NLGN1: variants seen among roughly 807,000 people sequenced by gnomAD.
The protein encoded by NLGN1 is neuroligin 1, also known as neuroligin-1.
Under a neutral mutation model 65.5 loss-of-function variants are expected in NLGN1, and 12 were observed. That is an observed-to-expected ratio of 0.18 (90% CI 0.12 to 0.30). The LOEUF (loss-of-function observed/expected upper bound fraction) is 0.30, where lower values mean the gene tolerates loss of function less well. Ranked by LOEUF, NLGN1 falls within the 10% of genes least tolerant of loss-of-function variation. The pLI, the probability that NLGN1 is intolerant of heterozygous loss-of-function variation, is 1.00. For missense variants in NLGN1, 750 were observed against 1,007.1 expected (o/e 0.74, Z 3.46); for synonymous variants, 350 against 359.5 (o/e 0.97, Z 0.30).
intron 3 of NLGN1, among the ~76,000 whole-genome samples, chr3:173,634,944 C>T (rs1756344840): frequency 6.6e-6 from 1 of 152,140 alleles, no homozygotes; most frequent in South Asian, 2.1e-4. Flanking sequence ...GGGAGAGCGC[C>T]CTTCTCCACA....
At chr3:173,898,027 A>G (rs192155248) in intron 4 of NLGN1, among the ~76,000 whole-genome samples, 35 of 151,646 alleles carry the variant, frequency 2.3e-4, no homozygotes, top group Admixed American at 5.2e-4. Context: ...TCATGATTCA[A>G]TAGCAAAAAA....
chr3:173,436,826 C>T (rs1718227464), intron 2 of NLGN1, among the ~76,000 whole-genome samples: 1 of 152,208 alleles, frequency 6.6e-6, no homozygotes, highest in Non-Finnish European at 1.5e-5. Context: ...GCAGTTACTA[C>T]ATCTTTTTAT....
intron 4 of NLGN1, among the ~76,000 whole-genome samples, chr3:173,855,684 A>G (rs898422999): frequency 1.3e-5 from 2 of 152,166 alleles, no homozygotes; most frequent in African/African-American, 2.4e-5. Flanking sequence ...CCAAACGTCT[A>G]TTATTCAACA....
intron 2 of NLGN1, among the ~76,000 whole-genome samples, chr3:173,462,509 C>T (rs62291289): frequency 0.016 from 2,501 of 152,158 alleles, 33 homozygotes; most frequent in Non-Finnish European, 0.025. Flanking sequence ...TCTCTTTTTG[C>T]GTGCATTTCC....
At chr3:173,898,269 G>T (rs1245302619) in intron 4 of NLGN1, among the ~76,000 whole-genome samples, 1 of 152,160 alleles carries the variant, frequency 6.6e-6, no homozygotes, top group Non-Finnish European at 1.5e-5. Context: ...TTTACAGAAA[G>T]TAAACATAGG....
At chr3:173,687,276 G>T (rs1379447865) in intron 3 of NLGN1, among the ~76,000 whole-genome samples, 1 of 152,186 alleles carries the variant, frequency 6.6e-6, no homozygotes, top group African/African-American at 2.4e-5. Context: ...TTACTAAAAT[G>T]AAGCTAATGG....
At chr3:173,905,795 C>G (rs1738260110) in intron 4 of NLGN1, among the ~76,000 whole-genome samples, 1 of 152,176 alleles carries the variant, frequency 6.6e-6, no homozygotes, top group South Asian at 2.1e-4. Flanking sequence ...AGCAAAATGT[C>G]TGTCACTGAA....
chr3:173,534,101 A>G (rs1465367177), intron 2 of NLGN1, among the ~76,000 whole-genome samples: 1 of 152,224 alleles, frequency 6.6e-6, no homozygotes, highest in Non-Finnish European at 1.5e-5. Context: ...ATTCCTGATC[A>G]GGAAAATGGG....
At chr3:173,694,137 T>C (rs75776855) in intron 3 of NLGN1, among the ~76,000 whole-genome samples, 4,319 of 152,236 alleles carry the variant, frequency 0.028, 88 homozygotes, top group Middle Eastern at 0.048. Context: ...GTATGATTTA[T>C]ATTGCTTGTT....
intron 3 of NLGN1, among the ~76,000 whole-genome samples, chr3:173,787,363 CAA>C (rs1782154170): frequency 6.6e-6 from 1 of 152,084 alleles, no homozygotes; most frequent in East Asian, 1.9e-4. Flanking sequence ...AAATATTTCA[CAA>C]AATCAAATGT....
At chr3:174,188,394 C>A (rs1242476300) in intron 4 of NLGN1, among the ~76,000 whole-genome samples, 1 of 151,946 alleles carries the variant, frequency 6.6e-6, no homozygotes, top group East Asian at 1.9e-4. Context: ...CCAGGAGCTT[C>A]CATTCACTGC....
chr3:173,722,740 A>G (rs1487458473), intron 3 of NLGN1, among the ~76,000 whole-genome samples: 1 of 152,156 alleles, frequency 6.6e-6, no homozygotes, highest in East Asian at 1.9e-4. Flanking sequence ...TTTAATGGCA[A>G]TGATAATATT....
At chr3:174,210,925 T>A (rs1736336175) in intron 4 of NLGN1, among the ~76,000 whole-genome samples, 1 of 152,162 alleles carries the variant, frequency 6.6e-6, no homozygotes, top group Non-Finnish European at 1.5e-5. Flanking sequence ...TGCTAGTGTG[T>A]CCGGAATTGG....
rs561079102 is a variant in NLGN1, at chr3:173,531,720, T to C, written c.-320-72559T>C. ...AACCAATTATTTAAACATGTAATTC[T>C]CAACAGATCAAAGATTTCACCTTTG... is the stretch of plus-strand genomic sequence containing the variant. On this transcript the variant is annotated intron_variant, in intron 2 of 6. Transcript: ENST00000457714. 1.3e-5 allele frequency among the ~76,000 whole-genome samples: 2 copies of C among 152,268 alleles called. 1 individual carries two copies. Among genetic ancestry groups the C allele is most frequent in the East Asian group, 3.9e-4 (2 of 5,180 alleles).
At chr3:173,487,036 TAGA>T (rs1728283252) in intron 2 of NLGN1, among the ~76,000 whole-genome samples, 1 of 151,612 alleles carries the variant, frequency 6.6e-6, no homozygotes, top group Admixed American at 6.6e-5. Context: ...TCTGTTCAAA[TAGA>T]AGAAGCTTCT....
chr3:174,222,591 G>C (rs1335529959), intron 4 of NLGN1, among the ~76,000 whole-genome samples: 1 of 152,062 alleles, frequency 6.6e-6, no homozygotes, highest in Non-Finnish European at 1.5e-5. Context: ...AGATTCCTAG[G>C]TTAGGTTTGG....
At chr3:174,098,454 A>G (rs1711599436) in intron 4 of NLGN1, among the ~76,000 whole-genome samples, 1 of 152,196 alleles carries the variant, frequency 6.6e-6, no homozygotes, top group Admixed American at 6.6e-5. Context: ...AAGGAGGGTC[A>G]GTGGGAAACA....
chr3:174,222,949 A>T (rs1279017698), intron 4 of NLGN1, among the ~76,000 whole-genome samples: 3 of 152,252 alleles, frequency 2.0e-5, no homozygotes, highest in Admixed American at 2.0e-4. Context: ...TTACATTTTA[A>T]AGTGTGCTAC....
At chr3:173,709,082 T>C (rs1026099157) in intron 3 of NLGN1, among the ~76,000 whole-genome samples, 2 of 152,220 alleles carry the variant, frequency 1.3e-5, no homozygotes, top group Non-Finnish European at 2.9e-5. Context: ...GACGTAAGTA[T>C]AGCCATGAGT....
Sources: allele counts gnomAD v4.1 joint callset (sites outside exome capture counted in the v4.1 genomes callset), GRCh38; gene constraint gnomAD v4.1.1; transcripts MANE v1.5; gene names NCBI Gene and HGNC (gene_info 2026-07-23, HGNC 2026-07-21).